The following ITGB3BP variants were observed in gnomAD, a reference collection of about 807,000 sequenced individuals.
ITGB3BP encodes the protein integrin subunit beta 3 binding protein.
In ITGB3BP, 27 loss-of-function variants were observed where a neutral mutation model predicts 29.1. The observed-to-expected ratio is 0.93, with a 90% confidence interval of 0.68 to 1.28. The LOEUF (loss-of-function observed/expected upper bound fraction) is 1.28. ITGB3BP is among the 50% of genes most tolerant of loss of function. The pLI is 0.00. For synonymous variants in ITGB3BP, 61 were observed against 61.4 expected (o/e 0.99, Z 0.03); for missense variants, 192 against 200.2 (o/e 0.96, Z 0.25).
intron 3 of ITGB3BP, among the ~76,000 whole-genome samples, chr1:63,480,207 A>G (rs74078231): frequency 0.012 from 1,877 of 152,250 alleles, 45 homozygotes; most frequent in African/African-American, 0.043. Flanking sequence ...GTGAAGACAT[A>G]GGATGTAACT....
At chr1:63,502,027 T>C (rs1645943794) in intron 2 of ITGB3BP, among the ~76,000 whole-genome samples, 1 of 152,190 alleles carries the variant, frequency 6.6e-6, no homozygotes, top group Non-Finnish European at 1.5e-5. Context: ...TTCCCAACCG[T>C]AGCATCTTCT....
chr1:63,508,414 ACT>A, intron 2 of ITGB3BP, 112 bp downstream of exon 2: 1 of 586,974 alleles, frequency 1.7e-6, no homozygotes, highest in Non-Finnish European at 3.0e-6. Flanking sequence ...ATTATATCAC[ACT>A]GTGATATAAT....
intron 3 of ITGB3BP, among the ~76,000 whole-genome samples, chr1:63,485,052 A>G (rs1645501342): frequency 1.3e-5 from 2 of 152,010 alleles, no homozygotes; most frequent in Admixed American, 1.3e-4. Flanking sequence ...TTAAAAAGCT[A>G]GTATTTGCTT....
intron 2 of ITGB3BP, among the ~76,000 whole-genome samples, chr1:63,503,360 T>C (rs1182181107): frequency 6.6e-6 from 1 of 151,922 alleles, no homozygotes; most frequent in Non-Finnish European, 1.5e-5. Flanking sequence ...TTTGATGGGG[T>C]TGTTTTTTTC....
intron 8 of ITGB3BP, among the ~76,000 whole-genome samples, chr1:63,446,364 TAATA>T (rs1330951699): frequency 6.6e-6 from 1 of 152,246 alleles, no homozygotes; most frequent in African/African-American, 2.4e-5. Context: ...AAGGTATAAC[TAATA>T]AATATAGATT....
chr1:63,444,187 T>C (rs995036403), intron 8 of ITGB3BP, among the ~76,000 whole-genome samples: 4 of 152,140 alleles, frequency 2.6e-5, no homozygotes, highest in African/African-American at 9.6e-5. Context: ...CACCCCAAAA[T>C]GTGGTTATCT....
At chr1:63,480,624 G>A (rs1156505339) in intron 3 of ITGB3BP, among the ~76,000 whole-genome samples, 4 of 151,620 alleles carry the variant, frequency 2.6e-5, no homozygotes, top group Non-Finnish European at 5.9e-5. Flanking sequence ...TTGGACCTAT[G>A]TCTTCCTCAA....
chr1:63,474,915 T>TAAAAA lies in ITGB3BP; in HGVS notation c.254+3844_254+3848dup, dbSNP rs1477732573. On this transcript the variant is annotated intron_variant, in intron 4 of 8. Coordinates refer to ENST00000271002, the MANE Select transcript of ITGB3BP (RefSeq NM_014288.5). Reference sequence around the variant, plus strand: ...AAAAAAAAAAAATAAATAAATAAAATAAAAACAAAACAAAACAAAAACAAA... The same window carrying TAAAAA: ...AAAAAAAAAAAATAAATAAATAAAATAAAAAAAAAACAAAACAAAACAAAAACAAA... 1.8e-4 allele frequency among the ~76,000 whole-genome samples: 3 copies of TAAAAA among 16,372 alleles called. 1 individual carries two copies. The highest frequency in any genetic ancestry group is 2.0e-4 in the African/African-American group (3 of 14,818). 10.7% of individuals were successfully genotyped at this position (16,372 alleles called of 152,430 possible).
At chr1:63,469,642 C>A (rs1645161712) in intron 4 of ITGB3BP, among the ~76,000 whole-genome samples, 1 of 152,162 alleles carries the variant, frequency 6.6e-6, no homozygotes, top group East Asian at 1.9e-4. Flanking sequence ...TATGTTTTAA[C>A]CCCATGAACA....
chr1:63,449,133 T>C (rs138333459), intron 7 of ITGB3BP, among the ~76,000 whole-genome samples: 1 of 152,138 alleles, frequency 6.6e-6, no homozygotes, highest in Non-Finnish European at 1.5e-5. Context: ...GAAGGAAAAT[T>C]TATGAAACCT....
intron 2 of ITGB3BP, among the ~76,000 whole-genome samples, chr1:63,506,098 A>G (rs937680338): frequency 3.3e-5 from 5 of 152,100 alleles, no homozygotes; most frequent in African/African-American, 4.8e-5. Flanking sequence ...TGATCTGTCT[A>G]ATGTTGACAG....
chr1:63,448,114 G>A (rs1191250564), intron 7 of ITGB3BP, among the ~76,000 whole-genome samples: 1 of 142,484 alleles, frequency 7.0e-6, no homozygotes, highest in African/African-American at 2.6e-5. Context: ...TCACTCATAG[G>A]TGGGAATTGA....
chr1:63,466,360 C>T (rs1046462496), intron 4 of ITGB3BP, among the ~76,000 whole-genome samples: 5 of 152,294 alleles, frequency 3.3e-5, no homozygotes, highest in African/African-American at 9.6e-5. Context: ...CTACATATGA[C>T]GACAACATAC....
rs552933141 is a variant in ITGB3BP, at chr1:63,468,153, T to G, written c.254+10611A>C. ...ACATGGCTGCCAGTATCATCTTTGC[T>G]TGAAGATCTCCATCTGAGAAGTAGT... On this transcript the variant is annotated intron_variant, in intron 4 of 8. Transcript: ENST00000271002. Among the ~76,000 whole-genome samples the G allele has an allele frequency of 2.6e-4, 40 of 152,334 alleles. No homozygotes were observed. In the East Asian group the frequency reaches 7.2e-3, roughly 27 times the overall value.
chr1:63,505,691 C>A (rs11208230), intron 2 of ITGB3BP, among the ~76,000 whole-genome samples: 58,914 of 151,440 alleles, frequency 0.39, 13,195 homozygotes, highest in Non-Finnish European at 0.51. Flanking sequence ...TTGAATGTGT[C>A]CCAGAGATTC....
At chr1:63,503,427 G>A (rs1361524598) in intron 2 of ITGB3BP, among the ~76,000 whole-genome samples, 1 of 152,108 alleles carries the variant, frequency 6.6e-6, no homozygotes, top group Non-Finnish European at 1.5e-5. Flanking sequence ...TGTCAGATGA[G>A]TAGATTGCAA....
At chr1:63,517,352 C>A (rs1389260371) in intron 1 of ITGB3BP, among the ~76,000 whole-genome samples, 2 of 151,208 alleles carry the variant, frequency 1.3e-5, no homozygotes, top group Admixed American at 6.6e-5. Context: ...ACATTGTGCA[C>A]ATGTACCCTA....
chr1:63,481,244 G>A (rs905706788), intron 3 of ITGB3BP, among the ~76,000 whole-genome samples: 2 of 152,024 alleles, frequency 1.3e-5, no homozygotes, highest in African/African-American at 4.8e-5. Flanking sequence ...CTGTAAAAAT[G>A]TGGATCAATA....
chr1:63,508,711 A>G (rs957584221), intron 1 of ITGB3BP, 141 bp from the exon 2 acceptor site: 1 of 474,304 alleles, frequency 2.1e-6, no homozygotes, highest in Non-Finnish European at 3.8e-6. Context: ...AGAATACCAT[A>G]TGAAGAAAGC....
Sources: allele counts gnomAD v4.1 joint callset (sites outside exome capture counted in the v4.1 genomes callset), GRCh38; gene constraint gnomAD v4.1.1; transcripts MANE v1.5; gene names NCBI Gene and HGNC (gene_info 2026-07-23, HGNC 2026-07-21).